APOL1: variants seen among roughly 807,000 people sequenced by gnomAD.
APOL1 encodes the protein apolipoprotein L 1.
APOL1 carries 17 observed loss-of-function variants against 14.9 expected under a neutral mutation model. The observed-to-expected ratio is 1.14, with a 90% CI of 0.78 to 1.71. APOL1 has a LOEUF of 1.71. APOL1 is among the 40% of genes most tolerant of loss of function. APOL1 has a pLI of 0.00. For missense variants in APOL1, 523 were observed against 485.9 expected (o/e 1.08, Z -0.72); for synonymous variants, 195 against 184.8 (o/e 1.05, Z -0.45).
At chr22:36,259,596 TA>T in intron 4 of APOL1, 1 of 1,231,208 alleles carries the variant, frequency 8.1e-7, no homozygotes, top group Non-Finnish European at 1.1e-6. Context: ...CCGGAATCCT[TA>T]CGAAGGGCTG....
At position 36,266,226 on chromosome 22, in the gene APOL1, G is replaced by A; in HGVS notation, c.*193G>A. 1.7e-6 allele frequency: 1 copy of A among 572,360 alleles called. No individual in the cohort carries two copies. Among genetic ancestry groups the A allele is most frequent in the Non-Finnish European group, 3.0e-6 (1 of 336,178 alleles). 35.5% of individuals were successfully genotyped at this position (572,360 alleles called of 1,614,324 possible). ...CTGCCTTGGCCTCCCAAGTAGCTGG[G>A]ACTACAGGCGCCTACCACCATGCCC... On this transcript the variant is annotated 3_prime_UTR_variant, in exon 6 of 6. Transcript: ENST00000397278.
rs190322046 is a variant in APOL1, at chr22:36,260,048, T to G, written c.188-1548T>G. On this transcript the variant is annotated intron_variant, in intron 4 of 5. Transcript: ENST00000397278. ...GTCAAATCCTGAGCTTCCTGCTTGA[T>G]GGTTTTGGGCGGTGACTCTCGCTGT... The G allele has an allele frequency of 9.2e-5, 75 of 813,686 alleles. 1 individual carries two copies. The Admixed American group carries it at 2.9e-3, about 31-fold the overall frequency. 50.4% of individuals were successfully genotyped at this position (813,686 alleles called of 1,614,324 possible).
In APOL1 at chr22:36,265,839, C is replaced by G. The variant is rs139583750; in HGVS notation, c.1003C>G (p.Leu335Val). 2.3e-5 allele frequency: 37 copies of G among 1,614,192 alleles called. No individual in the cohort carries two copies. In the African/African-American group the frequency reaches 4.8e-4, roughly 21 times the overall value. ...SILEMSRGVK[L>V]TDVAPVSFFL... The stretch of plus-strand genomic sequence containing the variant: ...CCTGGAAATGAGCAGAGGAGTCAAG[C>G]TCACGGATGTGGCCCCTGTAAGCTT... Residue 335 changes from leucine (L) to valine (V), a missense_variant, in exon 6 of 6, where the codon CTC becomes GTC. Transcript: ENST00000397278.
chr22:36,265,001 CAG>C lies in APOL1; in HGVS notation c.315-149_315-148del, dbSNP rs2016188477. The C allele has an allele frequency of 5.8e-6, 6 of 1,033,062 alleles. No homozygotes were observed. In the East Asian group the frequency reaches 1.7e-4, roughly 29 times the overall value. 64.0% of individuals were successfully genotyped at this position (1,033,062 alleles called of 1,614,324 possible). On this transcript the variant is annotated intron_variant, in intron 5 of 5. Transcript: ENST00000397278. ...TAATTTTTTGAATTTTTGGTAGAGA[CAG>C]GGTTTCACCGTATTAGTCAGGATGG...
rs112866166 is a variant in APOL1 at position 36,262,521 on chromosome 22, G to A, written c.314+799G>A. Among the ~76,000 whole-genome samples, 316 of 152,306 alleles carry A rather than the reference G, an allele frequency of 2.1e-3. 2 individuals are homozygous for A. The highest frequency in any genetic ancestry group is 7.0e-3 in the African/African-American group (293 of 41,566). On this transcript the variant is annotated intron_variant, in intron 5 of 5. Coordinates refer to ENST00000397278, the MANE Select transcript of APOL1 (RefSeq NM_003661.4). ...TCCTGCCCAAAGGCCCAGAGAGACC[G>A]GGATCAGCGTCAGAGCCTGGAGTCA...
chr22:36,259,523 T>C (rs1241636267), intron 4 of APOL1: 3 of 1,151,682 alleles, frequency 2.6e-6, no homozygotes, highest in Middle Eastern at 4.0e-4. Flanking sequence ...TGGGCTGTGC[T>C]GAGTCCTGTC....
rs9610475 is a variant in APOL1, at chr22:36,266,631, T to G, written c.*598T>G. On this transcript the variant is annotated 3_prime_UTR_variant, in exon 6 of 6. Transcript: ENST00000397278. ...CTAAAGAATATATTGGGGGGCCGGG[T>G]GTAGTGGCTCATGCCTGTAATCCGA... The G allele has an allele frequency of 1.0e-5, 4 of 396,524 alleles. No homozygotes were observed. The highest frequency in any genetic ancestry group is 1.3e-4 in the South Asian group (1 of 7,842). The allele number at this position is 396,524 out of a possible 1,614,324, so 24.6% of individuals were successfully genotyped here.
chr22:36,265,823 G>A lies in APOL1; in HGVS notation c.987G>A (p.Met329Ile). 6.2e-7 allele frequency: 1 copy of A among 1,614,160 alleles called. No homozygotes were observed. The highest frequency in any genetic ancestry group is 8.5e-7 in the Non-Finnish European group (1 of 1,180,038). Residue 329 changes from methionine to isoleucine, a missense_variant, in exon 6 of 6, where the codon ATG (methionine) becomes ATA (isoleucine). Physicochemically the swap from Met to Ile is conservative, Grantham distance 10 (BLOSUM62 1). Coordinates refer to ENST00000397278, the MANE Select transcript of APOL1 (RefSeq NM_003661.4). ...ERVNEPSILEMSRGVKLTDVA... is the reference protein window; with the variant it reads ...ERVNEPSILEISRGVKLTDVA... ...TTAATGAACCCAGCATCCTGGAAATGAGCAGAGGAGTCAAGCTCACGGATG... is the reference window on the plus strand; with the variant it reads ...TTAATGAACCCAGCATCCTGGAAATAAGCAGAGGAGTCAAGCTCACGGATG...
intron 4 of APOL1, among the ~76,000 whole-genome samples, chr22:36,260,273 T>A (rs546976906): frequency 2.6e-5 from 4 of 152,200 alleles, no homozygotes; most frequent in African/African-American, 9.6e-5. Context: ...CAGGCGCCTG[T>A]AGTCCCAGCT....
intron 4 of APOL1, among the ~76,000 whole-genome samples, chr22:36,261,244 G>A (rs1401092287): frequency 1.3e-5 from 2 of 152,180 alleles, no homozygotes; most frequent in East Asian, 1.9e-4. Context: ...CTCTCTTGCT[G>A]GCTTATGGAA....
At chr22:36,256,995 T>A in intron 2 of APOL1, 88 bp from the exon 3 acceptor site, 1 of 1,427,100 alleles carries the variant, frequency 7.0e-7, no homozygotes, top group Admixed American at 1.9e-5. Context: ...TTCCTCCCCA[T>A]CTCTATTTCT....
Position 36,265,544 on chromosome 22 carries a change from A to ACAAGCC in APOL1, c.717_722dup (p.Gln239_Ala240dup), listed in dbSNP as rs781500424. On this transcript the variant is annotated inframe_insertion, in exon 6 of 6. Transcript: ENST00000397278. ...TGGACTACGGAAAGAAGTGGTGGAC[A>ACAAGCC]CAAGCCCAAGCCCACGACCTGGTCA... The ACAAGCC allele has an allele frequency of 6.8e-6, 11 of 1,608,610 alleles. 1 individual carries two copies. In the South Asian group the frequency reaches 1.2e-4, roughly 18 times the overall value.
intron 5 of APOL1, among the ~76,000 whole-genome samples, chr22:36,262,157 G>A (rs1455133447): frequency 4.6e-5 from 7 of 152,210 alleles, no homozygotes; most frequent in African/African-American, 1.7e-4. Flanking sequence ...TTGAAGATGG[G>A]AGCCCAGCAG....
At chr22:36,254,879 G>A (rs375765055) in intron 1 of APOL1, 58 bp from the exon 2 acceptor site, 15 of 1,600,214 alleles carry the variant, frequency 9.4e-6, no homozygotes, top group Middle Eastern at 3.5e-4. Context: ...AAAATGAAAT[G>A]AAAATGGTGA....
chr22:36,262,476 G>T (rs140220003), intron 5 of APOL1, among the ~76,000 whole-genome samples: 125 of 152,298 alleles, frequency 8.2e-4, no homozygotes, highest in African/African-American at 2.9e-3. Context: ...CAGGTCAAAG[G>T]TGGGGAACCA....
At chr22:36,259,702 C>A in intron 4 of APOL1, 1 of 1,303,838 alleles carries the variant, frequency 7.7e-7, no homozygotes, top group Non-Finnish European at 1.0e-6. Context: ...AGTGGAGAGC[C>A]GTGTACCCTG....
At chr22:36,259,843 A>T (rs1467751532) in intron 4 of APOL1, 2 of 1,304,276 alleles carry the variant, frequency 1.5e-6, no homozygotes, top group Non-Finnish European at 2.0e-6. Context: ...AGCAGGAGGA[A>T]TCTCCTTTGC....
chr22:36,258,356 C>T (rs141724577), intron 4 of APOL1, among the ~76,000 whole-genome samples: 75 of 152,336 alleles, frequency 4.9e-4, no homozygotes, highest in Middle Eastern at 6.8e-3. Context: ...GAGGAGGCTT[C>T]GTGCTATGGT....
At chr22:36,254,644 C>T (rs545945683) in intron 1 of APOL1, among the ~76,000 whole-genome samples, 11 of 152,122 alleles carry the variant, frequency 7.2e-5, no homozygotes, top group Admixed American at 2.6e-4. Flanking sequence ...CAGGTGGTCA[C>T]GAGGTCAGGA....
Sources: allele counts gnomAD v4.1 joint callset (sites outside exome capture counted in the v4.1 genomes callset), GRCh38; gene constraint gnomAD v4.1.1; transcripts MANE v1.5; gene names NCBI Gene and HGNC (gene_info 2026-07-23, HGNC 2026-07-21).